Variants in SMYD3 observed in about 807,000 individuals in gnomAD.
SMYD3 encodes the protein SET and MYND domain containing 3.
SMYD3 carries 36 observed loss-of-function variants against 57.7 expected under a neutral mutation model. The ratio of observed to expected loss-of-function variants is 0.62; its 90% CI spans 0.48 to 0.82. The LOEUF (loss-of-function observed/expected upper bound fraction) is 0.82, where lower values mean the gene tolerates loss of function less well. Ranked by LOEUF, SMYD3 falls within the 40% of genes least tolerant of loss-of-function variation. SMYD3 has a pLI of 0.00. For synonymous variants in SMYD3, 211 were observed against 195.0 expected, an observed-to-expected ratio of 1.08 and a Z score of -0.68; for missense variants, 515 against 538.8, an observed-to-expected ratio of 0.96 and a Z score of 0.44.
chr1:245,839,795 A>G (rs1290855728), intron 10 of SMYD3, among the ~76,000 whole-genome samples: 2 of 152,172 alleles, frequency 1.3e-5, no homozygotes, highest in Non-Finnish European at 2.9e-5. Context: ...AGAATTAATA[A>G]GCAGGGGGAA....
chr1:245,895,178 A>G (rs1394195843), intron 8 of SMYD3, among the ~76,000 whole-genome samples: 1 of 8,048 alleles, frequency 1.2e-4, no homozygotes, highest in East Asian at 4.1e-3. Context: ...TTGATTAAAC[A>G]TGAACTCAAA....
At chr1:245,934,836 A>T (rs10754489) in intron 5 of SMYD3, among the ~76,000 whole-genome samples, 31,212 of 152,132 alleles carry the variant, frequency 0.21, 5,321 homozygotes, top group African/African-American at 0.45. Context: ...GAGGGTCTCA[A>T]GTTTTACCAG....
At chr1:246,095,434 T>C (rs1473782938) in intron 5 of SMYD3, among the ~76,000 whole-genome samples, 1 of 152,102 alleles carries the variant, frequency 6.6e-6, no homozygotes, top group Admixed American at 6.5e-5. Context: ...AGCACGCAAA[T>C]GTAATATGCA....
At chr1:245,822,512 C>G (rs1282121818) in intron 10 of SMYD3, among the ~76,000 whole-genome samples, 1 of 147,466 alleles carries the variant, frequency 6.8e-6, no homozygotes, top group Non-Finnish European at 1.5e-5. Flanking sequence ...CTAACCTGCA[C>G]AATGTGCACA....
rs977129944 is a variant in SMYD3 at position 246,113,040 on chromosome 1, G to A, written c.532-183103C>T. ...ACTAAAAATACAAAAAAGTTAGCCAGGTGTGGTGGTATGAGCCTGTAATCT... is the reference window on the plus strand; with the variant it reads ...ACTAAAAATACAAAAAAGTTAGCCAAGTGTGGTGGTATGAGCCTGTAATCT... On this transcript the variant is annotated intron_variant, in intron 5 of 11. Transcript: ENST00000490107. Among the ~76,000 whole-genome samples the A allele has an allele frequency of 5.9e-5, 9 of 152,136 alleles. No homozygotes were observed. The South Asian group carries it at 1.7e-3, about 28-fold the overall frequency.
chr1:246,497,308 T>C (rs768375428), intron 1 of SMYD3, among the ~76,000 whole-genome samples: 2 of 152,244 alleles, frequency 1.3e-5, no homozygotes, highest in African/African-American at 2.4e-5. Context: ...TAGATATTTA[T>C]GACAAAATTT....
intron 10 of SMYD3, among the ~76,000 whole-genome samples, chr1:245,857,797 G>A (rs1234629933): frequency 1.3e-5 from 2 of 152,094 alleles, no homozygotes; most frequent in Non-Finnish European, 2.9e-5. Context: ...AAATCAGGGT[G>A]CAGCATCCAC....
At chr1:246,246,881 A>G (rs1397271971) in intron 5 of SMYD3, among the ~76,000 whole-genome samples, 1 of 151,380 alleles carries the variant, frequency 6.6e-6, no homozygotes, top group Non-Finnish European at 1.5e-5. Context: ...ACACTGTTTA[A>G]TATAATTACA....
rs1473436571 is a variant in SMYD3 at position 245,818,396 on chromosome 1, G to A, written c.1076+40100C>T. ...CCCTAAAAGAGCTCCTGAAGGAAGCGCTAAACATCGAAAGGAACAACCGGT... is the reference window on the plus strand; with the variant it reads ...CCCTAAAAGAGCTCCTGAAGGAAGCACTAAACATCGAAAGGAACAACCGGT... On this transcript the variant is annotated intron_variant, in intron 10 of 11. Transcript: ENST00000490107. Among the ~76,000 whole-genome samples the A allele has an allele frequency of 2.2e-4, 34 of 152,142 alleles. 2 individuals are homozygous for A. In the South Asian group the frequency reaches 2.7e-3, roughly 12 times the overall value.
At chr1:246,081,362 A>G (rs1258213389) in intron 5 of SMYD3, among the ~76,000 whole-genome samples, 1 of 152,092 alleles carries the variant, frequency 6.6e-6, no homozygotes, top group Non-Finnish European at 1.5e-5. Flanking sequence ...TAGAAACGGA[A>G]GACTTTTTGT....
At chr1:246,075,625 G>T (rs184637370) in intron 5 of SMYD3, among the ~76,000 whole-genome samples, 82 of 152,312 alleles carry the variant, frequency 5.4e-4, no homozygotes, top group Non-Finnish European at 4.6e-4. Flanking sequence ...CCTTCAGGCT[G>T]CAGGACAATG....
intron 5 of SMYD3, among the ~76,000 whole-genome samples, chr1:246,038,814 T>C (rs1450098357): frequency 3.9e-5 from 6 of 152,206 alleles, no homozygotes; most frequent in African/African-American, 1.4e-4. Context: ...AGCCTTAGTT[T>C]GTAATGAATT....
intron 2 of SMYD3, among the ~76,000 whole-genome samples, chr1:246,348,063 TATA>T (rs1247272760): frequency 2.5e-5 from 2 of 79,098 alleles, no homozygotes; most frequent in Non-Finnish European, 5.1e-5. Flanking sequence ...GAAAACGTTA[TATA>T]TATATATATA....
chr1:245,824,805 G>A (rs891994437), intron 10 of SMYD3, among the ~76,000 whole-genome samples: 2 of 149,102 alleles, frequency 1.3e-5, no homozygotes, highest in Admixed American at 6.7e-5. Context: ...GCAGTGGGCC[G>A]AGATCGCACC....
chr1:245,830,358 G>C (rs1271504825), intron 10 of SMYD3, among the ~76,000 whole-genome samples: 1 of 152,192 alleles, frequency 6.6e-6, no homozygotes, highest in East Asian at 1.9e-4. Context: ...GGAGCTTGTT[G>C]AGGTGAACTC....
At chr1:246,459,441 G>C (rs1045143201) in intron 1 of SMYD3, among the ~76,000 whole-genome samples, 4 of 150,812 alleles carry the variant, frequency 2.7e-5, no homozygotes, top group Non-Finnish European at 5.9e-5. Context: ...TTTGTGGCAC[G>C]TCCCCCTTCA....
intron 1 of SMYD3, among the ~76,000 whole-genome samples, chr1:246,461,690 C>A (rs534889476): frequency 3.4e-4 from 50 of 147,416 alleles, no homozygotes; most frequent in Non-Finnish European, 5.3e-4. Context: ...GCCAAGATTG[C>A]GCCACTGCAC....
In SMYD3 at chr1:246,034,944, C is replaced by A. The variant is rs548900275; in HGVS notation, c.532-105007G>T. Among the ~76,000 whole-genome samples the A allele has an allele frequency of 1.8e-3, 278 of 152,280 alleles. 2 individuals carry two copies. Among genetic ancestry groups the A allele is most frequent in the Non-Finnish European group, 1.5e-3 (101 of 68,026 alleles). ...TATACTTTATAAGAGAAAATACAGA[C>A]ACACAGACACCTTCCTCCCCCAATA... On this transcript the variant is annotated intron_variant, in intron 5 of 11. Coordinates refer to ENST00000490107, the MANE Select transcript of SMYD3 (RefSeq NM_001167740.2).
intron 2 of SMYD3, among the ~76,000 whole-genome samples, chr1:246,347,580 T>C (rs770612284): frequency 6.6e-6 from 1 of 152,180 alleles, no homozygotes; most frequent in African/African-American, 2.4e-5. Context: ...CCAAAACTCA[T>C]GTTGAACTTT....
Sources: gnomAD v4.1 joint callset for allele counts (sites outside exome capture counted in the v4.1 genomes callset) on GRCh38, gnomAD v4.1.1 for gene constraint, MANE v1.5 for transcripts, NCBI Gene and HGNC (gene_info 2026-07-23, HGNC 2026-07-21) for gene names.